JAKMIP1: variants seen among roughly 807,000 people sequenced by gnomAD.
JAKMIP1 encodes janus kinase and microtubule-interacting protein 1.
JAKMIP1 carries 33 observed loss-of-function variants against 113.0 expected under a neutral mutation model. The ratio of observed to expected loss-of-function variants is 0.29; its 90% CI spans 0.22 to 0.39. The LOEUF (loss-of-function observed/expected upper bound fraction) is 0.39. Among genes scored for constraint, JAKMIP1 ranks in the 10% least tolerant of loss-of-function variants. JAKMIP1 has a pLI of 1.00. For synonymous variants in JAKMIP1, 480 were observed against 459.9 expected (o/e 1.04, Z -0.56); for missense variants, 813 against 1,080.5 (o/e 0.75, Z 3.47).
Position 6,044,731 on chromosome 4 carries a change from A to C in JAKMIP1, c.2029-2504T>G, listed in dbSNP as rs1290900374. On this transcript the variant is annotated intron_variant, in intron 16 of 20. Coordinates refer to ENST00000409021, the MANE Select transcript of JAKMIP1 (RefSeq NM_001099433.2). The surrounding 1 kb of genome is among the most constrained non-coding windows in gnomAD (Gnocchi z 4.4). Reference sequence around the variant, plus strand: ...ATTTGTTGCTGCTGTCGTTTAAAAAATTGCATATAAAAAATAAATTCAACA... The same window carrying C: ...ATTTGTTGCTGCTGTCGTTTAAAAACTTGCATATAAAAAATAAATTCAACA... Among the ~76,000 whole-genome samples the C allele has an allele frequency of 6.6e-6, 1 of 152,264 alleles. No individual in the cohort carries two copies. The highest frequency in any genetic ancestry group is 1.5e-5 in the Non-Finnish European group (1 of 68,046).
In JAKMIP1 at chr4:6,186,004, G is replaced by A. The variant is rs962658399; in HGVS notation, c.-148+14249C>T. The stretch of plus-strand genomic sequence containing the variant: ...TTCCAATTGTGCTGGACAATAAGAG[G>A]GAGAAGAGGGGCACTCCATTCAGTA... On this transcript the variant is annotated intron_variant, in intron 1 of 20. Transcript: ENST00000409021. The surrounding 1 kb of genome is among the most constrained non-coding windows in gnomAD (Gnocchi z 5.5). Among the ~76,000 whole-genome samples, 1 of 152,088 alleles carries A rather than the reference G, an allele frequency of 6.6e-6. No homozygotes were observed.
chr4:6,053,023 C>T (rs1282287598), intron 13 of JAKMIP1, among the ~76,000 whole-genome samples: 1 of 152,210 alleles, frequency 6.6e-6, no homozygotes, highest in Non-Finnish European at 1.5e-5. Flanking sequence ...AAGCCACAGA[C>T]ACTGTGAAGG....
chr4:6,087,719 T>A (rs752836747), intron 3 of JAKMIP1, among the ~76,000 whole-genome samples: 17 of 152,200 alleles, frequency 1.1e-4, no homozygotes, highest in Admixed American at 1.1e-3. Context: ...CTCTCTCTTA[T>A]GTGCTAGTTG....
chr4:6,093,962 C>G lies in JAKMIP1; in HGVS notation c.625-8333G>C, dbSNP rs1340739218. Among the ~76,000 whole-genome samples the G allele has an allele frequency of 6.6e-6, 1 of 152,002 alleles. No individual in the cohort carries two copies. The highest frequency in any genetic ancestry group is 1.5e-5 in the Non-Finnish European group (1 of 68,022). ...CCACCCTGGCTCGGCTGGGCAGTCC[C>G]CAGATGTCCTGCCCTTCACCTCCCA... On this transcript the variant is annotated intron_variant, in intron 3 of 20. Transcript: ENST00000409021. This position sits in a 1 kb window ranked among gnomAD's most constrained non-coding sequence, Gnocchi z 4.6.
At chr4:6,033,612 C>T (rs891982119) in intron 19 of JAKMIP1, among the ~76,000 whole-genome samples, 1 of 152,188 alleles carries the variant, frequency 6.6e-6, no homozygotes, top group Admixed American at 6.5e-5. Context: ...GGTGAACTAA[C>T]TTGCCTCAGG....
chr4:6,048,088 A>G (rs987328849), intron 16 of JAKMIP1, among the ~76,000 whole-genome samples: 3 of 152,258 alleles, frequency 2.0e-5, no homozygotes, highest in Admixed American at 2.0e-4. Flanking sequence ...GATAATACAC[A>G]TAAAAAACTC....
rs745700437 is a variant in JAKMIP1, at chr4:6,042,873, C to T, written c.2029-646G>A. On this transcript the variant is annotated intron_variant, in intron 16 of 20. Transcript: ENST00000409021. This position sits in a 1 kb window ranked among gnomAD's most constrained non-coding sequence, Gnocchi z 5.2. ...CAGGGTTCATGCCAGGACATGAGGG[C>T]GCAGGCACGGAGAGTACGGGGTGAA... is the stretch of plus-strand genomic sequence containing the variant. Among the ~76,000 whole-genome samples, 3 of 151,926 alleles carry T rather than the reference C, an allele frequency of 2.0e-5. No individual in the cohort carries two copies. The highest frequency in any genetic ancestry group is 2.1e-4 in the South Asian group (1 of 4,800).
intron 11 of JAKMIP1, 76 bp from the exon 12 acceptor site, chr4:6,056,835 G>C (rs1056567856): frequency 1.0e-5 from 10 of 1,001,342 alleles, no homozygotes; most frequent in Admixed American, 8.5e-5. Flanking sequence ...TAGTGAGAAA[G>C]GTCACTTTCT....
chr4:6,104,901 C>G, intron 3 of JAKMIP1, among the ~76,000 whole-genome samples: 1 of 152,204 alleles, frequency 6.6e-6, no homozygotes, highest in East Asian at 1.9e-4. Flanking sequence ...AAGTCCTACT[C>G]ATCTCTCTGA....
intron 1 of JAKMIP1, among the ~76,000 whole-genome samples, chr4:6,113,450 C>A (rs1715267384): frequency 6.6e-6 from 1 of 152,204 alleles, no homozygotes; most frequent in Non-Finnish European, 1.5e-5. Context: ...TTTCCATCCA[C>A]AATCCCAGCA....
intron 1 of JAKMIP1, 40 bp from the exon 2 acceptor site, chr4:6,113,037 G>T: frequency 1.1e-6 from 1 of 937,722 alleles, no homozygotes; most frequent in Non-Finnish European, 1.5e-6. Context: ...GAGACAGAAG[G>T]GTGGGGAGCT....
intron 20 of JAKMIP1, 150 bp from the exon 21 acceptor site, chr4:6,026,428 CA>C (rs984747111): frequency 1.6e-6 from 1 of 618,138 alleles, no homozygotes; most frequent in African/African-American, 1.9e-5. Context: ...GGGAAGTAAA[CA>C]GGCTTTAGGA....
intron 1 of JAKMIP1, among the ~76,000 whole-genome samples, chr4:6,160,052 A>T (rs1464240122): frequency 1.3e-5 from 2 of 152,198 alleles, no homozygotes; most frequent in Non-Finnish European, 2.9e-5. Flanking sequence ...TAAGGGAATC[A>T]GGCTGTTTGA....
chr4:6,082,216 G>A (rs1048735839), intron 5 of JAKMIP1, among the ~76,000 whole-genome samples: 1 of 151,812 alleles, frequency 6.6e-6, no homozygotes, highest in African/African-American at 2.4e-5. Flanking sequence ...AAAGATTGGT[G>A]GTTTGAGTTC....
Position 6,064,881 on chromosome 4 carries a change from T to A in JAKMIP1, c.1430A>T (p.Asp477Val). The change falls in exon 9 of 21, where the codon GAT becomes GTT. Residue 477 changes from aspartate to valine, a missense_variant and splice_region_variant. Coordinates refer to ENST00000409021, the MANE Select transcript of JAKMIP1 (RefSeq NM_001099433.2). This position sits in a 1 kb window ranked among gnomAD's most constrained non-coding sequence, Gnocchi z 4.3. ...TPATPEEDLD[D>V]ATAREEADLR... ...CGCCCTCTCTGCAGGTTTGCTTACATCGTCCAAGTCTTCTTCGGGCGTGGC... is the reference window on the plus strand; with the variant it reads ...CGCCCTCTCTGCAGGTTTGCTTACAACGTCCAAGTCTTCTTCGGGCGTGGC... 1 of 1,614,052 alleles carries A rather than the reference T, an allele frequency of 6.2e-7. No individual in the cohort carries two copies. Among genetic ancestry groups the A allele is most frequent in the South Asian group, 1.1e-5 (1 of 91,076 alleles).
At chr4:6,190,628 C>T (rs73795774) in intron 1 of JAKMIP1, among the ~76,000 whole-genome samples, 4,251 of 152,256 alleles carry the variant, frequency 0.028, 107 homozygotes, top group African/African-American at 0.063. Context: ...CCCCAGCAGG[C>T]GGCACGATGC....
intron 1 of JAKMIP1, among the ~76,000 whole-genome samples, chr4:6,119,115 A>T (rs1016528853): frequency 2.6e-5 from 4 of 152,170 alleles, no homozygotes; most frequent in African/African-American, 9.7e-5. Context: ...TTTTAAGGGA[A>T]TGCGACCCTG....
chr4:6,170,219 A>G (rs1055866493), intron 1 of JAKMIP1, among the ~76,000 whole-genome samples: 1 of 145,442 alleles, frequency 6.9e-6, no homozygotes, highest in African/African-American at 2.6e-5. Context: ...CAAGACCATC[A>G]TAATGCTCTC....
Position 6,178,407 on chromosome 4 carries a change from C to T in JAKMIP1, c.-148+21846G>A, listed in dbSNP as rs1413438644. Among the ~76,000 whole-genome samples the T allele has an allele frequency of 6.6e-6, 1 of 152,150 alleles. No homozygotes were observed. Among genetic ancestry groups the T allele is most frequent in the Non-Finnish European group, 1.5e-5 (1 of 68,034 alleles). On this transcript the variant is annotated intron_variant, in intron 1 of 20. Transcript: ENST00000409021. This position sits in a 1 kb window ranked among gnomAD's most constrained non-coding sequence, Gnocchi z 5.5. ...GGGGCAGTTTACCCCATACTATTCTCATGATAGTGAGTAAGCTCTATTTGA... is the reference window on the plus strand; with the variant it reads ...GGGGCAGTTTACCCCATACTATTCTTATGATAGTGAGTAAGCTCTATTTGA...
Sources: allele counts gnomAD v4.1 joint callset (sites outside exome capture counted in the v4.1 genomes callset), GRCh38; gene constraint gnomAD v4.1.1; non-coding constraint Gnocchi (gnomAD v3.1); transcripts MANE v1.5; gene names NCBI Gene and HGNC (gene_info 2026-07-23, HGNC 2026-07-21).